PDE3A: variants seen among roughly 807,000 people sequenced by gnomAD.
PDE3A encodes the protein phosphodiesterase 3A.
Under a neutral mutation model 98.3 loss-of-function variants are expected in PDE3A, and 43 were observed. That is an observed-to-expected ratio of 0.44 (90% CI 0.34 to 0.56). PDE3A has a LOEUF of 0.56. Ranked by LOEUF, PDE3A falls within the 20% of genes least tolerant of loss-of-function variation. The probability of loss-of-function intolerance (pLI) is 0.01; values close to 1 mark genes in which losing one functional copy is unlikely to be tolerated. For missense variants in PDE3A, 1,427 were observed against 1,440.7 expected, an observed-to-expected ratio of 0.99 and a Z score of 0.15; for synonymous variants, 663 against 567.9, an observed-to-expected ratio of 1.17 and a Z score of -2.38.
At chr12:20,604,379 GA>G (rs939806261) in intron 2 of PDE3A, among the ~76,000 whole-genome samples, 4 of 152,006 alleles carry the variant, frequency 2.6e-5, no homozygotes, top group African/African-American at 4.8e-5. Context: ...ATTGATGAAT[GA>G]AAAAAACTTT....
At chr12:20,379,014 T>G (rs2120533382) in intron 1 of PDE3A, among the ~76,000 whole-genome samples, 1 of 151,922 alleles carries the variant, frequency 6.6e-6, no homozygotes, top group Admixed American at 6.6e-5. Context: ...GGTTTTGGTT[T>G]AATAGGATTT....
rs528719839 is a variant in PDE3A, at chr12:20,465,559, G to A, written c.961-91101G>A. ...CCGAGTAGCGGGACTACAGGTGCGC[G>A]CCACTGTGCCTGGCTAATTTCTTGT... is the stretch of plus-strand genomic sequence containing the variant. On this transcript the variant is annotated intron_variant, in intron 1 of 15. Coordinates refer to ENST00000359062, the MANE Select transcript of PDE3A (RefSeq NM_000921.5). Among the ~76,000 whole-genome samples the A allele has an allele frequency of 2.9e-3, 447 of 151,970 alleles. 2 individuals carry two copies. Among genetic ancestry groups the A allele is most frequent in the African/African-American group, 0.01 (416 of 41,450 alleles).
intron 1 of PDE3A, among the ~76,000 whole-genome samples, chr12:20,491,971 G>A (rs184668997): frequency 6.7e-6 from 1 of 148,764 alleles, no homozygotes; most frequent in African/African-American, 2.4e-5. Flanking sequence ...AATTCCTGAC[G>A]ATAATTTAGT....
intron 1 of PDE3A, among the ~76,000 whole-genome samples, chr12:20,402,147 G>A (rs1370495511): frequency 6.6e-6 from 1 of 152,010 alleles, no homozygotes; most frequent in Non-Finnish European, 1.5e-5. Context: ...TGGGAAATTG[G>A]ATCCTGGATT....
chr12:20,603,659 C>A (rs569724959), intron 2 of PDE3A, among the ~76,000 whole-genome samples: 2 of 152,218 alleles, frequency 1.3e-5, no homozygotes, highest in African/African-American at 4.8e-5. Context: ...CAAACACCCA[C>A]GTGCACAACA....
chr12:20,483,050 A>G (rs983907306), intron 1 of PDE3A, among the ~76,000 whole-genome samples: 1 of 152,056 alleles, frequency 6.6e-6, no homozygotes, highest in African/African-American at 2.4e-5. Flanking sequence ...TTTTCAGACA[A>G]CATTACTAAG....
chr12:20,444,118 A>G (rs1565551186), intron 1 of PDE3A, among the ~76,000 whole-genome samples: 1 of 152,174 alleles, frequency 6.6e-6, no homozygotes. Context: ...GTCTTTAAAG[A>G]TGATACAGCA....
chr12:20,382,322 A>T (rs371209538), intron 1 of PDE3A, among the ~76,000 whole-genome samples: 1 of 152,012 alleles, frequency 6.6e-6, no homozygotes, highest in East Asian at 1.9e-4. Context: ...CAATTCAACA[A>T]ACAGTTTAAA....
chr12:20,578,890 G>C (rs1943001948), intron 2 of PDE3A, among the ~76,000 whole-genome samples: 1 of 152,090 alleles, frequency 6.6e-6, no homozygotes, highest in South Asian at 2.1e-4. Flanking sequence ...AGTTGTGTTA[G>C]GTACTGAATA....
Position 20,687,153 on chromosome 12 carries a change from A to G in PDE3A, c.*6882A>G. Reference sequence around the variant, plus strand: ...TCAGATGTTCAATGTGAAATTACAAATAGTTGTTTGAAGTATATATACTTC... The same window carrying G: ...TCAGATGTTCAATGTGAAATTACAAGTAGTTGTTTGAAGTATATATACTTC... On this transcript the variant is annotated 3_prime_UTR_variant, in exon 16 of 16. Transcript: ENST00000359062. Among the ~76,000 whole-genome samples, 1 of 152,110 alleles carries G rather than the reference A, an allele frequency of 6.6e-6. No homozygotes were observed.
chr12:20,522,442 C>A (rs1336476447), intron 1 of PDE3A, among the ~76,000 whole-genome samples: 1 of 152,038 alleles, frequency 6.6e-6, no homozygotes, highest in African/African-American at 2.4e-5. Context: ...CTGCAAAAGA[C>A]AGATAATTAA....
rs1943435533 is a variant in PDE3A, at chr12:20,370,004, G to T, written c.720G>T (p.Leu240=). Residue 240 remains leucine (L), a synonymous_variant, in exon 1 of 16, where the codon CTG becomes CTT. Coordinates refer to ENST00000359062, the MANE Select transcript of PDE3A (RefSeq NM_000921.5). The part of the protein sequence containing the change: ...ERFKVAWRPY[L]AYLAGVLGIL... ...TCAAGGTCGCCTGGAGACCTTACCT[G>T]GCGTACCTGGCCGGCGTGCTGGGGA... The T allele has an allele frequency of 6.2e-7, 1 of 1,613,042 alleles. No individual in the cohort carries two copies.
intron 5 of PDE3A, among the ~76,000 whole-genome samples, chr12:20,623,763 A>T (rs5026916): frequency 0.024 from 813 of 33,856 alleles, 56 homozygotes; most frequent in Non-Finnish European, 0.032. Context: ...TAGAAAGAAT[A>T]TATGATGGAT....
At chr12:20,625,216 C>A (rs1264417516) in intron 5 of PDE3A, among the ~76,000 whole-genome samples, 4 of 152,086 alleles carry the variant, frequency 2.6e-5, no homozygotes, top group African/African-American at 9.7e-5. Context: ...CATAGGACTC[C>A]TTTAATAAAA....
In PDE3A at chr12:20,369,986, C is replaced by T. The variant is rs772350975; in HGVS notation, c.702C>T (p.Val234=). 4 of 1,613,214 alleles carry T rather than the reference C, an allele frequency of 2.5e-6. No individual in the cohort carries two copies. The highest frequency in any genetic ancestry group is 3.4e-6 in the Non-Finnish European group (4 of 1,179,986). The change falls in exon 1 of 16, where the codon GTC becomes GTT. Residue 234 remains valine (V), a synonymous_variant. Transcript: ENST00000359062. ...TCATTTCCTTAGAGAGGTTCAAGGT[C>T]GCCTGGAGACCTTACCTGGCGTACC... ...VSLISLERFK[V]AWRPYLAYLA... is the part of the protein sequence containing the mutation.
intron 1 of PDE3A, among the ~76,000 whole-genome samples, chr12:20,493,128 A>G (rs1945857476): frequency 6.6e-6 from 1 of 152,192 alleles, no homozygotes; most frequent in African/African-American, 2.4e-5. Flanking sequence ...AAATATTGTT[A>G]ATAGTATCAT....
chr12:20,559,766 T>C (rs1259998306), intron 2 of PDE3A, among the ~76,000 whole-genome samples: 1 of 151,964 alleles, frequency 6.6e-6, no homozygotes, highest in South Asian at 2.1e-4. Flanking sequence ...CTCTGAGAAG[T>C]GATGATGTCT....
intron 1 of PDE3A, among the ~76,000 whole-genome samples, chr12:20,382,622 A>G (rs1355639977): frequency 1.3e-5 from 2 of 151,968 alleles, no homozygotes; most frequent in African/African-American, 4.8e-5. Context: ...TAGAAAGAAT[A>G]TATGCACTCT....
chr12:20,479,873 G>A (rs139572077), intron 1 of PDE3A, among the ~76,000 whole-genome samples: 116 of 152,310 alleles, frequency 7.6e-4, no homozygotes, highest in African/African-American at 2.8e-3. Context: ...GACTGGTATA[G>A]CAAAGCAATT....
Sources: gnomAD v4.1 joint callset for allele counts (sites outside exome capture counted in the v4.1 genomes callset) on GRCh38, gnomAD v4.1.1 for gene constraint, MANE v1.5 for transcripts, NCBI Gene and HGNC (gene_info 2026-07-23, HGNC 2026-07-21) for gene names.